Variants in CLNK observed in about 807,000 individuals in gnomAD.
CLNK encodes the protein cytokine-dependent hematopoietic cell linker.
CLNK carries 74 observed loss-of-function variants against 68.6 expected under a neutral mutation model. The ratio of observed to expected loss-of-function variants is 1.08; its 90% confidence interval spans 0.89 to 1.31. The LOEUF is 1.31. Among genes scored for constraint, CLNK ranks in the 50% most tolerant of loss-of-function variants. The probability of loss-of-function intolerance (pLI) is 0.00; values close to 1 mark genes in which losing one functional copy is unlikely to be tolerated. For synonymous variants in CLNK, 198 were observed against 172.2 expected (o/e 1.15, Z -1.17); for missense variants, 553 against 515.3 (o/e 1.07, Z -0.71).
intron 10 of CLNK, among the ~76,000 whole-genome samples, chr4:10,541,439 G>C (rs1719020866): frequency 6.6e-6 from 1 of 152,072 alleles, no homozygotes; most frequent in Non-Finnish European, 1.5e-5. Context: ...GATTGCCAGA[G>C]AATGTAATGC....
At chr4:10,679,719 C>A (rs1349410010) in intron 1 of CLNK, among the ~76,000 whole-genome samples, 1 of 152,168 alleles carries the variant, frequency 6.6e-6, no homozygotes, top group East Asian at 1.9e-4. Context: ...TATGAACAGA[C>A]ACTTCTCAAA....
chr4:10,570,023 T>C (rs1482137450), intron 5 of CLNK, among the ~76,000 whole-genome samples: 1 of 152,178 alleles, frequency 6.6e-6, no homozygotes, highest in African/African-American at 2.4e-5. Context: ...AGTTTCACCA[T>C]TGACACAGTA....
chr4:10,657,636 G>A (rs890126539), intron 2 of CLNK, among the ~76,000 whole-genome samples: 1 of 152,192 alleles, frequency 6.6e-6, no homozygotes, highest in African/African-American at 2.4e-5. Flanking sequence ...GTTATTCACA[G>A]AATTTTTGTT....
At chr4:10,614,879 CAG>C (rs1254975867) in intron 2 of CLNK, among the ~76,000 whole-genome samples, 1 of 152,190 alleles carries the variant, frequency 6.6e-6, no homozygotes, top group East Asian at 1.9e-4. Context: ...GCACTAATAA[CAG>C]AGATTAGAAG....
chr4:10,695,147 G>A, the CLNK span, among the ~76,000 whole-genome samples: 2 of 152,096 alleles, frequency 1.3e-5, no homozygotes, highest in East Asian at 3.9e-4. Context: ...GTAATGTATT[G>A]TATATTTCAA....
chr4:10,628,668 C>T (rs150374979), intron 2 of CLNK, among the ~76,000 whole-genome samples: 171 of 152,234 alleles, frequency 1.1e-3, no homozygotes, highest in East Asian at 2.1e-3. Flanking sequence ...GTGAAGACTG[C>T]GATGCCTGTG....
At chr4:10,663,683 C>T (rs2108890395) in intron 2 of CLNK, among the ~76,000 whole-genome samples, 1 of 152,180 alleles carries the variant, frequency 6.6e-6, no homozygotes, top group Non-Finnish European at 1.5e-5. Flanking sequence ...TTCATTTATA[C>T]TTATAAAATT....
intron 2 of CLNK, among the ~76,000 whole-genome samples, chr4:10,625,001 G>C (rs1722612744): frequency 6.6e-6 from 1 of 152,128 alleles, no homozygotes; most frequent in South Asian, 2.1e-4. Flanking sequence ...AGTTTCCAAG[G>C]ACAAATTACA....
At chr4:10,610,867 AC>A (rs1368024808) in intron 2 of CLNK, among the ~76,000 whole-genome samples, 4 of 151,794 alleles carry the variant, frequency 2.6e-5, no homozygotes, top group African/African-American at 9.7e-5. Context: ...GTAAGTAGAC[AC>A]CCCATAAATA....
At chr4:10,516,385 T>A (rs1390519523) in intron 15 of CLNK, among the ~76,000 whole-genome samples, 1 of 152,178 alleles carries the variant, frequency 6.6e-6, no homozygotes, top group Non-Finnish European at 1.5e-5. Flanking sequence ...CCACTAAATT[T>A]TTGAGATGAA....
At chr4:10,511,222 A>G (rs934425843) in intron 16 of CLNK, among the ~76,000 whole-genome samples, 1 of 152,126 alleles carries the variant, frequency 6.6e-6, no homozygotes, top group East Asian at 1.9e-4. Flanking sequence ...TAAAAAGTAT[A>G]AAACCAAGCT....
intron 2 of CLNK, among the ~76,000 whole-genome samples, chr4:10,621,437 T>C (rs914191175): frequency 6.6e-6 from 1 of 152,308 alleles, no homozygotes; most frequent in Non-Finnish European, 1.5e-5. Flanking sequence ...CTAAGTATCA[T>C]TGGAGGTCTT....
chr4:10,648,660 C>T (rs1300975443), intron 2 of CLNK, among the ~76,000 whole-genome samples: 1 of 152,074 alleles, frequency 6.6e-6, no homozygotes, highest in Non-Finnish European at 1.5e-5. Flanking sequence ...AAAGGTTTTG[C>T]CTGGGTTCAC....
chr4:10,541,924 GA>G, intron 10 of CLNK, 97 bp downstream of exon 10: 1 of 902,118 alleles, frequency 1.1e-6, no homozygotes, highest in Non-Finnish European at 1.7e-6. Flanking sequence ...AATCATATTA[GA>G]TTTTCAATGT....
intron 18 of CLNK, among the ~76,000 whole-genome samples, chr4:10,498,356 G>T (rs1390109020): frequency 6.6e-6 from 1 of 152,128 alleles, no homozygotes; most frequent in Non-Finnish European, 1.5e-5. Context: ...GCCGGGCGTG[G>T]TGGTGGGCGC....
At chr4:10,710,620 G>A in the CLNK span, among the ~76,000 whole-genome samples, 3 of 152,206 alleles carry the variant, frequency 2.0e-5, no homozygotes, top group Non-Finnish European at 4.4e-5. Flanking sequence ...AGAGACTGTT[G>A]CTTTGAGAGC....
intron 1 of CLNK, among the ~76,000 whole-genome samples, chr4:10,671,385 TAA>T (rs35375153): frequency 1.0e-4 from 15 of 150,112 alleles, no homozygotes; most frequent in Non-Finnish European, 1.3e-4. Context: ...AAACTCTATC[TAA>T]AAAAAAAAAG....
chr4:10,554,849 T>C (rs1719600921), intron 8 of CLNK, among the ~76,000 whole-genome samples: 1 of 152,218 alleles, frequency 6.6e-6, no homozygotes, highest in African/African-American at 2.4e-5. Flanking sequence ...ACTCTGGCAC[T>C]GCGCTTTGTA....
At chr4:10,664,623 G>A (rs912703112) in intron 2 of CLNK, among the ~76,000 whole-genome samples, 4 of 152,318 alleles carry the variant, frequency 2.6e-5, no homozygotes, top group African/African-American at 7.2e-5. Context: ...AGAATCAACC[G>A]AGGATCTTGT....
Sources: allele counts gnomAD v4.1 joint callset (sites outside exome capture counted in the v4.1 genomes callset), GRCh38; gene constraint gnomAD v4.1.1; transcripts MANE v1.5; gene names NCBI Gene and HGNC (gene_info 2026-07-23, HGNC 2026-07-21).